The following PIK3C3 variants were observed in gnomAD, a reference collection of about 807,000 sequenced individuals.
PIK3C3 encodes PI3-kinase type 3.
PIK3C3 carries 95 observed loss-of-function variants against 126.1 expected under a neutral mutation model. That is an observed-to-expected ratio of 0.75 (90% confidence interval 0.64 to 0.89). The LOEUF (loss-of-function observed/expected upper bound fraction) is 0.89. PIK3C3 is among the 40% of genes least tolerant of loss of function. The pLI, the probability that PIK3C3 is intolerant of heterozygous loss-of-function variation, is 0.00. For synonymous variants in PIK3C3, 374 were observed against 360.0 expected (o/e 1.04, Z -0.44); for missense variants, 829 against 1,063.2 (o/e 0.78, Z 3.06).
rs151322458 is a variant in PIK3C3, at chr18:42,085,242, C to T, written c.*4105C>T. On this transcript the variant is annotated 3_prime_UTR_variant, in exon 25 of 25. Transcript: ENST00000262039. ...ATTGCATTTCAACACTAGTTTTTTA[C>T]TTTTATCTACCCTGAGGGTAGATAA... 148 of 152,216 alleles carry T rather than the reference C, an allele frequency of 9.7e-4. No homozygotes were observed. The highest frequency in any genetic ancestry group is 3.3e-3 in the African/African-American group (139 of 41,552). The allele number at this position is 152,216 out of a possible 1,614,324, so 9.4% of individuals were successfully genotyped here. A position where few individuals can be genotyped will look rare whatever the true frequency, so the allele number is the denominator to read the frequency against.
At chr18:41,990,781 T>C (rs1981736284) in intron 6 of PIK3C3, among the ~76,000 whole-genome samples, 1 of 152,176 alleles carries the variant, frequency 6.6e-6, no homozygotes, top group Admixed American at 6.6e-5. Context: ...TCAATAAGTA[T>C]GCAAGTGATT....
intron 6 of PIK3C3, among the ~76,000 whole-genome samples, 175 bp from the exon 7 acceptor site, chr18:41,993,095 G>C (rs1043303773): frequency 1.3e-5 from 2 of 152,068 alleles, no homozygotes; most frequent in African/African-American, 4.8e-5. Context: ...ATCAACCAAG[G>C]AGAGGTACAA....
chr18:41,999,068 T>C (rs923904388), intron 9 of PIK3C3, among the ~76,000 whole-genome samples: 21 of 151,068 alleles, frequency 1.4e-4, no homozygotes, highest in African/African-American at 4.9e-4. Flanking sequence ...TTCTACCCCC[T>C]TTTTTTTTCC....
intron 13 of PIK3C3, among the ~76,000 whole-genome samples, chr18:42,021,210 C>T (rs1225929942): frequency 6.6e-6 from 1 of 152,082 alleles, no homozygotes. Context: ...AGGGTATTTT[C>T]AGTTACCTTT....
chr18:42,012,665 A>G (rs1982883725), intron 10 of PIK3C3, among the ~76,000 whole-genome samples: 1 of 152,222 alleles, frequency 6.6e-6, no homozygotes, highest in Non-Finnish European at 1.5e-5. Flanking sequence ...CATCCTAAAC[A>G]TTAAAGAGTT....
chr18:41,998,850 C>T (rs898189808), intron 9 of PIK3C3, among the ~76,000 whole-genome samples: 6 of 152,074 alleles, frequency 3.9e-5, no homozygotes, highest in African/African-American at 9.7e-5. Flanking sequence ...TTGTGAAAAA[C>T]GGATACTCTC....
At chr18:41,972,246 T>G (rs372790727) in intron 4 of PIK3C3, among the ~76,000 whole-genome samples, 1 of 152,108 alleles carries the variant, frequency 6.6e-6, no homozygotes, top group Non-Finnish European at 1.5e-5. Context: ...TTGTGCACAT[T>G]AACAACTCTA....
In PIK3C3 at chr18:42,081,178, A is replaced by G. The variant is rs774731726; in HGVS notation, c.*41A>G. The G allele has an allele frequency of 2.7e-6, 4 of 1,499,172 alleles. No individual in the cohort carries two copies. Among genetic ancestry groups the G allele is most frequent in the Non-Finnish European group, 2.8e-6 (3 of 1,084,118 alleles). The allele number at this position is 1,499,172 out of a possible 1,614,324, so 92.9% of individuals were successfully genotyped here. On this transcript the variant is annotated 3_prime_UTR_variant, in exon 25 of 25. Coordinates refer to ENST00000262039, the MANE Select transcript of PIK3C3 (RefSeq NM_002647.4). ...ATCAAGATGCTTGGCTCAATAAGAAAACCACGTTAGGAGCAACCTTTGTAT... is the reference window on the plus strand; with the variant it reads ...ATCAAGATGCTTGGCTCAATAAGAAGACCACGTTAGGAGCAACCTTTGTAT...
chr18:41,982,634 A>T (rs1981263163), intron 4 of PIK3C3, among the ~76,000 whole-genome samples: 1 of 152,228 alleles, frequency 6.6e-6, no homozygotes, highest in Non-Finnish European at 1.5e-5. Context: ...AAGATAATAT[A>T]CATCTTCTAC....
At chr18:41,972,569 CTAATAGAAT>C (rs1437774132) in intron 4 of PIK3C3, among the ~76,000 whole-genome samples, 1 of 152,058 alleles carries the variant, frequency 6.6e-6, no homozygotes, top group Non-Finnish European at 1.5e-5. Context: ...TCTTTCATCC[CTAATAGAAT>C]TGTACTTTTA....
rs573069746 is a variant in PIK3C3, at chr18:42,058,058, T to A, written c.2432+7T>A. 3.3e-5 allele frequency: 52 copies of A among 1,571,324 alleles called. No individual in the cohort carries two copies. The South Asian group carries it at 5.8e-4, about 17-fold the overall frequency. On this transcript the variant is annotated splice_region_variant and intron_variant, in intron 22 of 24. Transcript: ENST00000262039. Reference sequence around the variant, plus strand: ...CTTTCCTCCACCTGCGAAGGTAAGTTGATTTGCTTGGCACAGAGAATTTGG... The same window carrying A: ...CTTTCCTCCACCTGCGAAGGTAAGTAGATTTGCTTGGCACAGAGAATTTGG...
chr18:42,087,264 G>A lies in PIK3C3; in HGVS notation c.*6127G>A, dbSNP rs772242814. Reference sequence around the variant, plus strand: ...AAGGCATGGCCCATGATGTGTCTCCGAGTGGAAAAGACTGGTTGGTGGTGA... The same window carrying A: ...AAGGCATGGCCCATGATGTGTCTCCAAGTGGAAAAGACTGGTTGGTGGTGA... On this transcript the variant is annotated 3_prime_UTR_variant, in exon 25 of 25. Transcript: ENST00000262039. 3 of 152,236 alleles carry A rather than the reference G, an allele frequency of 2.0e-5. No homozygotes were observed. The highest frequency in any genetic ancestry group is 4.1e-4 in the South Asian group (2 of 4,832). 9.4% of individuals were successfully genotyped at this position (152,236 alleles called of 1,614,324 possible). A position where few individuals can be genotyped will look rare whatever the true frequency, so the allele number is the denominator to read the frequency against.
chr18:42,053,897 A>G (rs1415298863), intron 21 of PIK3C3, among the ~76,000 whole-genome samples: 1 of 151,616 alleles, frequency 6.6e-6, no homozygotes, highest in African/African-American at 2.4e-5. Flanking sequence ...TACTAAATGG[A>G]AAGTTCATTG....
Position 42,004,403 on chromosome 18 carries a change from G to A in PIK3C3, c.1032G>A (p.Glu344=), listed in dbSNP as rs1437010834. The part of the protein sequence containing the change: ...LKCVNWDLPQ[E]AKQALELLGK... ...GTGTTAATTGGGATCTACCTCAAGA[G>A]GCCAAACAGGCCTTGGAACTTCTGG... is the stretch of plus-strand genomic sequence containing the variant. The change falls in exon 10 of 25, where the codon GAG becomes GAA. Residue 344 remains glutamate (E), a synonymous_variant. Transcript: ENST00000262039. 3.1e-6 allele frequency: 5 copies of A among 1,613,506 alleles called. No homozygotes were observed. The highest frequency in any genetic ancestry group is 4.2e-6 in the Non-Finnish European group (5 of 1,179,806).
In PIK3C3 at chr18:42,011,227, C is replaced by T. The variant is rs576542200; in HGVS notation, c.1171-2215C>T. ...ACTTAAAGTCACTGCCTACGTTAGA[C>T]CCTTACCAAGAGAGTCAGTCTATGG... On this transcript the variant is annotated intron_variant, in intron 10 of 24. Transcript: ENST00000262039. 2.6e-5 allele frequency among the ~76,000 whole-genome samples: 4 copies of T among 152,292 alleles called. No homozygotes were observed. The East Asian group carries it at 7.7e-4, about 29-fold the overall frequency.
Position 41,957,747 on chromosome 18 carries a change from T to G in PIK3C3, c.246T>G (p.Ser82Arg). Reference sequence around the variant, plus strand: ...TGAGAACATCCTACAAAGCATTTAGTACAAGATGGAAGTAAGTTTTTTTGT... The same window carrying G: ...TGAGAACATCCTACAAAGCATTTAGGACAAGATGGAAGTAAGTTTTTTTGT... ...LPVRTSYKAF[S>R]TRWNWNEWLK... is the part of the protein sequence containing the mutation. Residue 82 changes from serine (S) to arginine (R), a missense_variant, in exon 2 of 25, where the codon AGT becomes AGG. Around this residue, in one of 4 missense-constraint regions of PIK3C3, gnomAD observed 313 missense variants for 340.7 expected, o/e 0.92. Transcript: ENST00000262039. The G allele has an allele frequency of 6.2e-7, 1 of 1,609,928 alleles. No individual in the cohort carries two copies. The highest frequency in any genetic ancestry group is 8.5e-7 in the Non-Finnish European group (1 of 1,178,800).
chr18:41,979,626 A>G (rs779548891), intron 4 of PIK3C3, among the ~76,000 whole-genome samples: 4 of 152,144 alleles, frequency 2.6e-5, no homozygotes, highest in Non-Finnish European at 5.9e-5. Flanking sequence ...AGGTGTTTTG[A>G]AAAATGAAGG....
At chr18:42,068,447 TTAA>T (rs1276585459) in intron 24 of PIK3C3, among the ~76,000 whole-genome samples, 2 of 152,240 alleles carry the variant, frequency 1.3e-5, no homozygotes, top group African/African-American at 4.8e-5. Context: ...ATCAATCTTC[TTAA>T]TAATGTATCT....
At position 41,984,613 on chromosome 18, in the gene PIK3C3, A is replaced by G. The variant is rs142562913; in HGVS notation, c.532-3199A>G. On this transcript the variant is annotated intron_variant, in intron 4 of 24. Coordinates refer to ENST00000262039, the MANE Select transcript of PIK3C3 (RefSeq NM_002647.4). ...GATTATTCTGAAGAGGAAGGCAGCT[A>G]TGGATCATTTAGCAATTGTGATAGC... Among the ~76,000 whole-genome samples the G allele has an allele frequency of 4.3e-3, 657 of 152,254 alleles. 3 individuals carry two copies. Among genetic ancestry groups the G allele is most frequent in the Non-Finnish European group, 5.8e-3 (395 of 68,000 alleles).
Sources: gnomAD v4.1 joint callset for allele counts (sites outside exome capture counted in the v4.1 genomes callset) on GRCh38, gnomAD v4.1.1 for gene constraint, gnomAD v4.1.1 regional missense constraint, MANE v1.5 for transcripts, NCBI Gene and HGNC (gene_info 2026-07-23, HGNC 2026-07-21) for gene names.